Variants in CTNNA3 observed in about 807,000 individuals in gnomAD.
CTNNA3 encodes the protein catenin alpha-3.
In CTNNA3, 76 loss-of-function variants were observed where a neutral mutation model predicts 95.7. That is an observed-to-expected ratio of 0.79 (90% CI 0.66 to 0.96). The LOEUF (loss-of-function observed/expected upper bound fraction) is 0.96. Among genes scored for constraint, CTNNA3 ranks in the 40% least tolerant of loss-of-function variants. The pLI is 0.00. For missense variants in CTNNA3, 1,191 were observed against 1,089.8 expected (o/e 1.09, Z -1.31); for synonymous variants, 431 against 374.4 (o/e 1.15, Z -1.74).
intron 7 of CTNNA3, among the ~76,000 whole-genome samples, chr10:67,097,157 T>C (rs888890350): frequency 1.3e-5 from 2 of 151,888 alleles, no homozygotes; most frequent in African/African-American, 2.4e-5. Flanking sequence ...GTGGTGATTT[T>C]TGTGAATGCT....
At chr10:66,986,497 GCTA>G (rs777683681) in intron 7 of CTNNA3, among the ~76,000 whole-genome samples, 61,969 of 151,812 alleles carry the variant, frequency 0.41, 13,218 homozygotes, top group South Asian at 0.6. Context: ...ACTCCATCTT[GCTA>G]AACTAAACTA....
intron 5 of CTNNA3, among the ~76,000 whole-genome samples, chr10:67,494,291 T>A (rs750976108): frequency 2.0e-5 from 3 of 152,242 alleles, no homozygotes; most frequent in Non-Finnish European, 4.4e-5. Flanking sequence ...TGTGTCACTG[T>A]ACTATTTTGG....
intron 13 of CTNNA3, among the ~76,000 whole-genome samples, chr10:66,264,186 C>T (rs1039158513): frequency 2.6e-5 from 4 of 151,894 alleles, no homozygotes; most frequent in African/African-American, 9.7e-5. Context: ...CTAAAGGCCA[C>T]TAAATTGGAA....
At chr10:67,560,320 G>A (rs1361184177) in intron 3 of CTNNA3, among the ~76,000 whole-genome samples, 1 of 150,878 alleles carries the variant, frequency 6.6e-6, no homozygotes, top group Non-Finnish European at 1.5e-5. Flanking sequence ...AGAAGAGAGT[G>A]GGGGCCAATA....
In CTNNA3 at chr10:66,116,741, G is replaced by A. The variant is rs186579516; in HGVS notation, c.1885-13492C>T. On this transcript the variant is annotated intron_variant, in intron 13 of 17. Transcript: ENST00000433211. The stretch of plus-strand genomic sequence containing the variant: ...TCACAATTCCACAGGCTGTGTAAGA[G>A]GCATGGCTGGGGAGGCCTCAGGAAC... 1.5e-3 allele frequency among the ~76,000 whole-genome samples: 231 copies of A among 152,234 alleles called. 1 individual carries two copies. The highest frequency in any genetic ancestry group is 5.2e-3 in the African/African-American group (215 of 41,550).
At chr10:67,606,204 G>A (rs910074342) in intron 3 of CTNNA3, among the ~76,000 whole-genome samples, 13 of 152,092 alleles carry the variant, frequency 8.5e-5, no homozygotes, top group Middle Eastern at 3.4e-3. Flanking sequence ...TGATATATAC[G>A]AAATCATTCC....
At chr10:66,203,088 G>A (rs1420090600) in intron 13 of CTNNA3, among the ~76,000 whole-genome samples, 4 of 152,142 alleles carry the variant, frequency 2.6e-5, no homozygotes, top group African/African-American at 9.7e-5. Flanking sequence ...TTTAGTGTTT[G>A]GACCAGGATC....
At chr10:66,612,644 CTG>C (rs1332765234) in intron 10 of CTNNA3, among the ~76,000 whole-genome samples, 1 of 152,106 alleles carries the variant, frequency 6.6e-6, no homozygotes, top group East Asian at 1.9e-4. Context: ...ACCACTGTGA[CTG>C]TATCACACAA....
At chr10:67,171,987 C>T (rs997846527) in intron 7 of CTNNA3, among the ~76,000 whole-genome samples, 1 of 151,928 alleles carries the variant, frequency 6.6e-6, no homozygotes, top group Non-Finnish European at 1.5e-5. Flanking sequence ...AGTCTCATAT[C>T]CTTCCTTTCT....
intron 7 of CTNNA3, among the ~76,000 whole-genome samples, chr10:67,126,820 C>T (rs1487936598): frequency 6.6e-6 from 1 of 152,224 alleles, no homozygotes; most frequent in Non-Finnish European, 1.5e-5. Context: ...ATGAGACACT[C>T]TGAGCCTTGC....
chr10:66,938,290 C>T (rs1320766243), intron 7 of CTNNA3, among the ~76,000 whole-genome samples: 2 of 152,064 alleles, frequency 1.3e-5, no homozygotes, highest in Admixed American at 6.6e-5. Context: ...AACAAACCCT[C>T]CCATACAGTC....
At chr10:67,530,346 T>C (rs1015472124) in intron 4 of CTNNA3, among the ~76,000 whole-genome samples, 1 of 152,230 alleles carries the variant, frequency 6.6e-6, no homozygotes, top group Non-Finnish European at 1.5e-5. Flanking sequence ...TTGCCCAAAA[T>C]GCTGATAAGC....
intron 1 of CTNNA3, among the ~76,000 whole-genome samples, chr10:67,673,828 C>G (rs1202974866): frequency 3.6e-5 from 5 of 137,880 alleles, no homozygotes; most frequent in Non-Finnish European, 6.3e-5. Context: ...TACCTCTAGA[C>G]TTCTTGTTAT....
intron 13 of CTNNA3, among the ~76,000 whole-genome samples, chr10:66,117,931 CGCCT>C (rs2082407573): frequency 6.6e-6 from 1 of 152,122 alleles, no homozygotes; most frequent in Admixed American, 6.5e-5. Flanking sequence ...TGGCCCTGCC[CGCCT>C]TCTAAAGCAG....
Position 65,917,159 on chromosome 10 carries a change from G to T in CTNNA3, c.*3171C>A, listed in dbSNP as rs2077017421. 6.6e-6 allele frequency: 1 copy of T among 152,012 alleles called. No homozygotes were observed. The highest frequency in any genetic ancestry group is 2.4e-5 in the African/African-American group (1 of 41,404). 9.4% of individuals were successfully genotyped at this position (152,012 alleles called of 1,614,324 possible). On this transcript the variant is annotated 3_prime_UTR_variant, in exon 18 of 18. Transcript: ENST00000433211. ...GATCTTATGTTAAAAGATTTCAAAG[G>T]CCAGAAGGCACACTTGTGAATGTGA...
At chr10:66,237,601 C>A (rs2089918696) in intron 13 of CTNNA3, among the ~76,000 whole-genome samples, 1 of 151,134 alleles carries the variant, frequency 6.6e-6, no homozygotes, top group South Asian at 2.1e-4. Context: ...TGTAGTATTA[C>A]AATTGCAATA....
At position 66,887,879 on chromosome 10, in the gene CTNNA3, A is replaced by G. The variant is rs554258217; in HGVS notation, c.1048-112355T>C. Among the ~76,000 whole-genome samples the G allele has an allele frequency of 2.0e-5, 3 of 152,260 alleles. No individual in the cohort carries two copies. In the East Asian group the frequency reaches 5.8e-4, roughly 29 times the overall value. On this transcript the variant is annotated intron_variant, in intron 7 of 17. Coordinates refer to ENST00000433211, the MANE Select transcript of CTNNA3 (RefSeq NM_013266.4). ...ACAGGAAGGAGGTTACTCTCCCTGG[A>G]GGCTGGAGTTCAAGGTTACGTGAGA...
intron 7 of CTNNA3, among the ~76,000 whole-genome samples, chr10:66,827,468 C>T (rs1294821974): frequency 6.6e-6 from 1 of 152,134 alleles, no homozygotes; most frequent in Non-Finnish European, 1.5e-5. Flanking sequence ...ATTCAGCTTC[C>T]CTTTATACCC....
chr10:66,719,899 G>A (rs1248620306), intron 9 of CTNNA3, among the ~76,000 whole-genome samples: 2 of 152,056 alleles, frequency 1.3e-5, no homozygotes, highest in Non-Finnish European at 2.9e-5. Context: ...TCACCTCTCA[G>A]GCGGGAATAT....
Sources: gnomAD v4.1 joint callset for allele counts (sites outside exome capture counted in the v4.1 genomes callset) on GRCh38, gnomAD v4.1.1 for gene constraint, MANE v1.5 for transcripts, NCBI Gene and HGNC (gene_info 2026-07-23, HGNC 2026-07-21) for gene names.